ROBO2: variants seen among roughly 807,000 people sequenced by gnomAD.
ROBO2 encodes the protein roundabout homolog 2.
ROBO2 carries 53 observed loss-of-function variants against 160.8 expected under a neutral mutation model. That is an observed-to-expected ratio of 0.33 (90% CI 0.26 to 0.41). The LOEUF is 0.41. Ranked by LOEUF, ROBO2 falls within the 10% of genes least tolerant of loss-of-function variation. The pLI is 1.00. For synonymous variants in ROBO2, 664 were observed against 611.7 expected (o/e 1.09, Z -1.26); for missense variants, 1,577 against 1,722.4 (o/e 0.92, Z 1.49).
intron 1 of ROBO2, among the ~76,000 whole-genome samples, chr3:75,928,078 G>A (rs1947363231): frequency 1.4e-5 from 2 of 142,054 alleles, no homozygotes; most frequent in South Asian, 2.2e-4. Context: ...TCCGCCTCCC[G>A]GGTTCACGCC....
chr3:77,606,789 C>T (rs894175613), intron 20 of ROBO2, among the ~76,000 whole-genome samples: 5 of 152,110 alleles, frequency 3.3e-5, no homozygotes, highest in South Asian at 2.1e-4. Context: ...TCACAACTTG[C>T]GGTTCCAGAA....
At chr3:77,442,030 C>T (rs1361872205) in intron 2 of ROBO2, among the ~76,000 whole-genome samples, 5 of 152,046 alleles carry the variant, frequency 3.3e-5, no homozygotes, top group African/African-American at 9.7e-5. Flanking sequence ...ATCAGATTTA[C>T]GGCCGGGCGC....
intron 2 of ROBO2, chr3:76,434,691 C>T: frequency 1.8e-6 from 2 of 1,112,292 alleles, no homozygotes; most frequent in South Asian, 1.2e-5. Flanking sequence ...GGTCCTCCTC[C>T]CCGTTCACCA....
intron 2 of ROBO2, among the ~76,000 whole-genome samples, chr3:77,286,999 C>T (rs1227233138): frequency 6.6e-6 from 1 of 152,160 alleles, no homozygotes; most frequent in South Asian, 2.1e-4. Flanking sequence ...ATGGAGGTTG[C>T]CATTCGTTTG....
chr3:77,433,988 G>A (rs972390913), intron 2 of ROBO2, among the ~76,000 whole-genome samples: 4 of 152,004 alleles, frequency 2.6e-5, no homozygotes, highest in Non-Finnish European at 5.9e-5. Context: ...TTCTCCCTCG[G>A]AGTAGGAAAC....
At chr3:77,528,801 G>T (rs982260170) in intron 6 of ROBO2, among the ~76,000 whole-genome samples, 1 of 151,606 alleles carries the variant, frequency 6.6e-6, no homozygotes, top group African/African-American at 2.4e-5. Context: ...AACATAAACT[G>T]CAGGGTGTTT....
At chr3:76,719,638 C>G (rs770191007) in intron 2 of ROBO2, among the ~76,000 whole-genome samples, 28 of 152,280 alleles carry the variant, frequency 1.8e-4, no homozygotes, top group South Asian at 4.1e-4. Flanking sequence ...ATTCCCAGCA[C>G]TTTGGGAGGC....
intron 2 of ROBO2, among the ~76,000 whole-genome samples, chr3:77,352,159 G>A (rs1221972270): frequency 6.6e-6 from 1 of 150,440 alleles, no homozygotes; most frequent in Non-Finnish European, 1.5e-5. Context: ...GCATTCTAGA[G>A]GACCTTATTT....
At chr3:75,913,983 G>C (rs895089038) in intron 1 of ROBO2, among the ~76,000 whole-genome samples, 1 of 152,150 alleles carries the variant, frequency 6.6e-6, no homozygotes, top group African/African-American at 2.4e-5. Context: ...CTGTAACCTA[G>C]AAGAGGATCA....
chr3:76,715,829 T>C (rs1246763748), intron 2 of ROBO2, among the ~76,000 whole-genome samples: 2 of 152,160 alleles, frequency 1.3e-5, no homozygotes, highest in Admixed American at 1.3e-4. Flanking sequence ...TTCTCTCTTA[T>C]TGGAGAATAG....
intron 2 of ROBO2, among the ~76,000 whole-genome samples, chr3:77,021,627 T>C (rs2062644036): frequency 6.6e-6 from 1 of 152,196 alleles, no homozygotes; most frequent in South Asian, 2.1e-4. Flanking sequence ...TGTTTCAATG[T>C]CCCTTCCAAA....
intron 2 of ROBO2, among the ~76,000 whole-genome samples, chr3:76,062,081 C>T (rs2068086391): frequency 6.6e-6 from 1 of 152,092 alleles, no homozygotes; most frequent in Non-Finnish European, 1.5e-5. Context: ...AACTGGCTAG[C>T]AACCTTAACT....
At chr3:76,177,746 A>C (rs2073281977) in intron 2 of ROBO2, among the ~76,000 whole-genome samples, 1 of 152,158 alleles carries the variant, frequency 6.6e-6, no homozygotes. Context: ...GACAAGATGA[A>C]GCCTTTTTAT....
intron 7 of ROBO2, among the ~76,000 whole-genome samples, chr3:77,548,335 T>C (rs1425768371): frequency 6.6e-6 from 1 of 152,072 alleles, no homozygotes; most frequent in Non-Finnish European, 1.5e-5. Context: ...GCTTTACACA[T>C]TATGAAGGTT....
intron 2 of ROBO2, among the ~76,000 whole-genome samples, chr3:77,381,584 T>C (rs1382465493): frequency 2.0e-5 from 3 of 152,226 alleles, no homozygotes; most frequent in African/African-American, 7.2e-5. Context: ...TGCATCTTCC[T>C]GACATTTGCA....
At chr3:76,364,497 G>A (rs954527044) in intron 2 of ROBO2, among the ~76,000 whole-genome samples, 2 of 151,812 alleles carry the variant, frequency 1.3e-5, no homozygotes, top group African/African-American at 4.8e-5. Flanking sequence ...ATATATACTA[G>A]TTAAACTGAA....
At chr3:76,246,640 G>T (rs555474537) in intron 2 of ROBO2, among the ~76,000 whole-genome samples, 4 of 152,020 alleles carry the variant, frequency 2.6e-5, no homozygotes, top group South Asian at 4.1e-4. Flanking sequence ...AACTTATTTT[G>T]TTACTGCTGT....
At chr3:76,168,837 C>G (rs532799213) in intron 2 of ROBO2, among the ~76,000 whole-genome samples, 2 of 150,480 alleles carry the variant, frequency 1.3e-5, no homozygotes, top group South Asian at 4.2e-4. Context: ...GAATAATAAC[C>G]TGCCTTAATG....
chr3:76,523,018 T>C (rs1298134948), intron 2 of ROBO2, among the ~76,000 whole-genome samples: 1 of 148,108 alleles, frequency 6.8e-6, no homozygotes, highest in East Asian at 1.9e-4. Flanking sequence ...AAATATATAA[T>C]ATATTTTATA....
Sources: allele counts gnomAD v4.1 joint callset (sites outside exome capture counted in the v4.1 genomes callset), GRCh38; gene constraint gnomAD v4.1.1; transcripts MANE v1.5; gene names NCBI Gene and HGNC (gene_info 2026-07-23, HGNC 2026-07-21).